LDLRAD4: variants seen among roughly 807,000 people sequenced by gnomAD.
LDLRAD4 encodes low density lipoprotein receptor class A domain containing 4, also known as low-density lipoprotein receptor class A domain-containing protein 4.
In LDLRAD4, 5 loss-of-function variants were observed where a neutral mutation model predicts 17.0. The ratio of observed to expected loss-of-function variants is 0.29; its 90% CI spans 0.15 to 0.62. LDLRAD4 has a LOEUF of 0.62. Ranked by LOEUF, LDLRAD4 falls within the 20% of genes least tolerant of loss-of-function variation. The probability of loss-of-function intolerance (pLI) is 0.84; values close to 1 mark genes in which losing one functional copy is unlikely to be tolerated. For missense variants in LDLRAD4, 340 were observed against 424.7 expected (o/e 0.80, Z 1.75); for synonymous variants, 168 against 171.8 (o/e 0.98, Z 0.17).
chr18:13,333,411 A>T (rs2081962947), intron 1 of LDLRAD4, among the ~76,000 whole-genome samples: 1 of 152,170 alleles, frequency 6.6e-6, no homozygotes, highest in Admixed American at 6.5e-5. Flanking sequence ...AGAAGTCTTT[A>T]ATTTTAATGA....
At chr18:13,370,708 G>GTTTTTTTTTTT (rs1568061721) in intron 1 of LDLRAD4, among the ~76,000 whole-genome samples, 3 of 13,504 alleles carry the variant, frequency 2.2e-4, no homozygotes, top group South Asian at 3.4e-3. Context: ...ATGGTTTTTT[G>GTTTTTTTTTTT]TTTTGTTTTT....
At chr18:13,318,372 G>A (rs1160675921) in intron 1 of LDLRAD4, among the ~76,000 whole-genome samples, 8 of 151,732 alleles carry the variant, frequency 5.3e-5, no homozygotes, top group Non-Finnish European at 8.8e-5. Context: ...AGCGATTCTC[G>A]TGCCTCAGCC....
At position 13,473,695 on chromosome 18, in the gene LDLRAD4, ATATATT is replaced by A. The variant is rs1258221896; in HGVS notation, c.181+35316_181+35321del. Among the ~76,000 whole-genome samples the A allele has an allele frequency of 1.3e-4, 17 of 134,022 alleles. No homozygotes were observed. In the East Asian group the frequency reaches 3.5e-3, roughly 28 times the overall value. 87.9% of individuals were successfully genotyped at this position (134,022 alleles called of 152,430 possible). A position where few individuals can be genotyped will look rare whatever the true frequency, so the allele number is the denominator to read the frequency against. ...TATATATATAACGTTTACATTTTAT[ATATATT>A]TATAATATACATATTATACAGGGGC... On this transcript the variant is annotated intron_variant, in intron 3 of 5. Coordinates refer to ENST00000359446, the Ensembl canonical transcript of LDLRAD4.
intron 1 of LDLRAD4, among the ~76,000 whole-genome samples, chr18:13,379,976 G>A (rs916051059): frequency 2.2e-4 from 31 of 143,072 alleles, no homozygotes; most frequent in African/African-American, 7.4e-4. Context: ...GCCCCTGCCC[G>A]CCAGCCCCCT....
At chr18:13,341,763 A>C (rs2082386232) in intron 1 of LDLRAD4, among the ~76,000 whole-genome samples, 2 of 152,130 alleles carry the variant, frequency 1.3e-5, no homozygotes, top group South Asian at 4.1e-4. Context: ...TAGGACGTGT[A>C]CTGTGTTGAA....
chr18:13,612,388 C>G, intron 3 of LDLRAD4: 2 of 1,187,804 alleles, frequency 1.7e-6, no homozygotes, highest in South Asian at 4.5e-5. Flanking sequence ...CTCGGTGACA[C>G]GGCCGGCTTC....
chr18:13,254,778 C>T (rs111830175), intron 1 of LDLRAD4, among the ~76,000 whole-genome samples: 1,647 of 152,194 alleles, frequency 0.011, 10 homozygotes, highest in African/African-American at 0.02. Flanking sequence ...GACTGGGAAA[C>T]GTAGGGAAAC....
At chr18:13,364,530 C>T (rs2083914327) in intron 1 of LDLRAD4, among the ~76,000 whole-genome samples, 1 of 152,074 alleles carries the variant, frequency 6.6e-6, no homozygotes. Flanking sequence ...TTTGTGAAGA[C>T]AGGATCTCAC....
upstream of LDLRAD4, among the ~76,000 whole-genome samples, chr18:13,276,128 C>T (rs1048512448): frequency 6.6e-6 from 1 of 152,108 alleles, no homozygotes; most frequent in African/African-American, 2.4e-5. Flanking sequence ...CATGCCTCAG[C>T]CTCCCGAGTA....
intron 3 of LDLRAD4, among the ~76,000 whole-genome samples, chr18:13,525,805 C>T (rs2094021828): frequency 6.6e-6 from 1 of 152,202 alleles, no homozygotes; most frequent in Admixed American, 6.5e-5. Context: ...GCTGTGCCCA[C>T]TCTAGGGGGC....
intron 3 of LDLRAD4, among the ~76,000 whole-genome samples, chr18:13,609,342 C>A (rs573494282): frequency 6.6e-6 from 1 of 152,286 alleles, no homozygotes; most frequent in Non-Finnish European, 1.5e-5. Flanking sequence ...TCTGAAGCAC[C>A]ATCTTCAAGT....
At chr18:13,390,901 A>T (rs2086226721) in intron 2 of LDLRAD4, among the ~76,000 whole-genome samples, 1 of 152,092 alleles carries the variant, frequency 6.6e-6, no homozygotes, top group Non-Finnish European at 1.5e-5. Context: ...CATCATTTTT[A>T]TTCTTGGTCT....
upstream of LDLRAD4, among the ~76,000 whole-genome samples, chr18:13,276,525 A>G (rs954233357): frequency 6.6e-6 from 1 of 152,204 alleles, no homozygotes; most frequent in Non-Finnish European, 1.5e-5. Flanking sequence ...CTCCAGGCTC[A>G]TTCATGTTGC....
At position 13,400,361 on chromosome 18, in the gene LDLRAD4, C is replaced by T. The variant is rs28595116; in HGVS notation, c.40+12599C>T. On this transcript the variant is annotated intron_variant, in intron 2 of 5. Coordinates refer to ENST00000359446, the Ensembl canonical transcript of LDLRAD4. Reference sequence around the variant, plus strand: ...CCACCTCCTTGTGTCTTTTTAAGATCCTGGAGGCCTAAAGGGATTTCTGTT... The same window carrying T: ...CCACCTCCTTGTGTCTTTTTAAGATTCTGGAGGCCTAAAGGGATTTCTGTT... 3.0e-3 allele frequency among the ~76,000 whole-genome samples: 462 copies of T among 152,246 alleles called. 3 individuals are homozygous for T. The highest frequency in any genetic ancestry group is 0.01 in the African/African-American group (424 of 41,530).
upstream of LDLRAD4, among the ~76,000 whole-genome samples, chr18:13,274,440 T>C (rs947342589): frequency 1.3e-5 from 2 of 152,206 alleles, no homozygotes; most frequent in Non-Finnish European, 2.9e-5. Context: ...AAAGTTATGC[T>C]GAAAGGAAGA....
At chr18:13,590,083 G>A (rs1049502757) in intron 3 of LDLRAD4, among the ~76,000 whole-genome samples, 2 of 151,492 alleles carry the variant, frequency 1.3e-5, no homozygotes, top group African/African-American at 4.9e-5. Flanking sequence ...GGGTGTGCAT[G>A]TGTGGGTGTG....
In LDLRAD4 at chr18:13,391,106, G is replaced by A. The variant is rs538244604; in HGVS notation, c.40+3344G>A. Reference sequence around the variant, plus strand: ...ATTTTGGATTTTGCTGATTCTCTGGGCTAATAGAAAGGAGTCTTGCCTTAG... The same window carrying A: ...ATTTTGGATTTTGCTGATTCTCTGGACTAATAGAAAGGAGTCTTGCCTTAG... On this transcript the variant is annotated intron_variant, in intron 2 of 5. Coordinates refer to ENST00000359446, the Ensembl canonical transcript of LDLRAD4. Among the ~76,000 whole-genome samples the A allele has an allele frequency of 7.2e-5, 11 of 152,308 alleles. No individual in the cohort carries two copies. The South Asian group carries it at 2.3e-3, about 32-fold the overall frequency.
intron 1 of LDLRAD4, among the ~76,000 whole-genome samples, chr18:13,299,009 C>T (rs900681718): frequency 4.6e-5 from 7 of 152,144 alleles, no homozygotes; most frequent in Admixed American, 3.9e-4. Flanking sequence ...CATGATTTTA[C>T]GTAGTATGTA....
intron 3 of LDLRAD4, among the ~76,000 whole-genome samples, chr18:13,513,974 T>A (rs2093823189): frequency 6.6e-6 from 1 of 152,254 alleles, no homozygotes; most frequent in Non-Finnish European, 1.5e-5. Context: ...GTGGATCAAT[T>A]CAGGGAACTG....
Sources: allele counts gnomAD v4.1 joint callset (sites outside exome capture counted in the v4.1 genomes callset), GRCh38; gene constraint gnomAD v4.1.1; transcripts MANE v1.5; gene names NCBI Gene and HGNC (gene_info 2026-07-23, HGNC 2026-07-21).